Variants in COL14A1 observed in about 807,000 individuals in gnomAD.
The protein encoded by COL14A1 is collagen alpha-1(XIV) chain.
In COL14A1, 136 loss-of-function variants were observed where a neutral mutation model predicts 230.3. The ratio of observed to expected loss-of-function variants is 0.59; its 90% CI spans 0.51 to 0.68. The LOEUF (loss-of-function observed/expected upper bound fraction) is 0.68. Among genes scored for constraint, COL14A1 ranks in the 30% least tolerant of loss-of-function variants. The pLI is 0.00. For missense variants in COL14A1, 1,976 were observed against 2,215.8 expected (o/e 0.89, Z 2.17); for synonymous variants, 792 against 784.1 (o/e 1.01, Z -0.17).
At chr8:120,197,693 GCCAAAATAAAAAAT>G in intron 6 of COL14A1, 104 bp from the exon 7 acceptor site, 1 of 1,022,500 alleles carries the variant, frequency 9.8e-7, no homozygotes. Context: ...TTATAGCCAG[GCCAAAATAAAAAAT>G]TTTTGCAAAG....
Position 120,364,887 on chromosome 8 carries a change from A to T in COL14A1, c.5078-2284A>T, listed in dbSNP as rs185936940. On this transcript the variant is annotated intron_variant, in intron 45 of 47. Transcript: ENST00000297848. The stretch of plus-strand genomic sequence containing the variant: ...GACAGAGTGAGTGAGACTCTGTCTT[A>T]AAAAAAAAAAGAAAAGAAAAGAAAG... 4.9e-3 allele frequency among the ~76,000 whole-genome samples: 719 copies of T among 146,546 alleles called. 10 individuals are homozygous for T. Among genetic ancestry groups the T allele is most frequent in the African/African-American group, 0.016 (659 of 40,292 alleles).
intron 24 of COL14A1, among the ~76,000 whole-genome samples, chr8:120,265,354 T>A (rs1162619611): frequency 6.6e-6 from 1 of 152,110 alleles, no homozygotes; most frequent in East Asian, 1.9e-4. Flanking sequence ...ATTTAAAAAA[T>A]GGCTTTAGAA....
chr8:120,134,330 C>G (rs1017838413), intron 1 of COL14A1, among the ~76,000 whole-genome samples: 1 of 151,698 alleles, frequency 6.6e-6, no homozygotes, highest in Admixed American at 6.6e-5. Context: ...AATAGAAAAT[C>G]GATAGATTCG....
At chr8:120,358,740 A>G (rs1199104439) in intron 45 of COL14A1, among the ~76,000 whole-genome samples, 1 of 152,144 alleles carries the variant, frequency 6.6e-6, no homozygotes, top group Admixed American at 6.6e-5. Flanking sequence ...AGCCTTGAAC[A>G]TAAGTAAAAT....
At chr8:120,281,229 T>C (rs2129905112) in intron 31 of COL14A1, among the ~76,000 whole-genome samples, 170 bp downstream of exon 31, 1 of 151,900 alleles carries the variant, frequency 6.6e-6, no homozygotes. Context: ...TCACACATAA[T>C]GCGGGTTGAA....
rs149734882 is a variant in COL14A1, at chr8:120,220,238, G to A, written c.1737+3748G>A. On this transcript the variant is annotated intron_variant, in intron 14 of 47. Transcript: ENST00000297848. ...AACATTCTGGAATGAACTGTAAAAT[G>A]TCCCAATTAAAATCTGCTTAGTACC... Among the ~76,000 whole-genome samples the A allele has an allele frequency of 4.6e-3, 689 of 150,808 alleles. 6 individuals are homozygous for A. The highest frequency in any genetic ancestry group is 0.016 in the African/African-American group (653 of 40,998).
intron 5 of COL14A1, among the ~76,000 whole-genome samples, chr8:120,178,596 G>A (rs1024008095): frequency 1.4e-4 from 22 of 152,132 alleles, no homozygotes; most frequent in African/African-American, 4.6e-4. Context: ...ATACCCAGTA[G>A]TAGGATTGCT....
intron 38 of COL14A1, among the ~76,000 whole-genome samples, chr8:120,314,306 T>A (rs1442171617): frequency 6.6e-6 from 1 of 152,198 alleles, no homozygotes; most frequent in Non-Finnish European, 1.5e-5. Context: ...TAGCCCTTTT[T>A]CTCGTCTAAC....
chr8:120,296,740 C>T (rs189682223), intron 34 of COL14A1, among the ~76,000 whole-genome samples: 144 of 152,054 alleles, frequency 9.5e-4, no homozygotes, highest in African/African-American at 3.2e-3. Flanking sequence ...TCAACATGTA[C>T]ATTGACTTAT....
chr8:120,133,224 A>T (rs1439543221), intron 1 of COL14A1, among the ~76,000 whole-genome samples: 2 of 146,476 alleles, frequency 1.4e-5, no homozygotes, highest in East Asian at 2.0e-4. Context: ...TCAAACAAAA[A>T]AAAAATAAAA....
chr8:120,334,001 G>T (rs1821961872), intron 42 of COL14A1, among the ~76,000 whole-genome samples: 1 of 152,144 alleles, frequency 6.6e-6, no homozygotes, highest in African/African-American at 2.4e-5. Context: ...ATTGCCTTTT[G>T]CCACATAAGG....
chr8:120,139,871 A>T (rs1165205741), intron 1 of COL14A1, among the ~76,000 whole-genome samples: 4 of 151,810 alleles, frequency 2.6e-5, no homozygotes, highest in African/African-American at 4.8e-5. Flanking sequence ...AAAAAAAAAT[A>T]AAAAAAACTA....
At chr8:120,270,466 T>C (rs1819625734) in intron 26 of COL14A1, among the ~76,000 whole-genome samples, 5 of 151,762 alleles carry the variant, frequency 3.3e-5, no homozygotes, top group African/African-American at 9.7e-5. Flanking sequence ...TAATGATACA[T>C]ACAATATTTT....
In COL14A1 at chr8:120,278,456, G is replaced by T. The variant is rs1260866132; in HGVS notation, c.3359G>T (p.Arg1120Leu). The T allele has an allele frequency of 6.2e-7, 1 of 1,612,380 alleles. No individual in the cohort carries two copies. The highest frequency in any genetic ancestry group is 2.2e-5 in the East Asian group (1 of 44,786). ...TCAGGAAAAGCAATTAAGTATGTTC[G>T]AGATACCTTGTTCACTGCAGAGTCA... is the stretch of plus-strand genomic sequence containing the variant. Reference protein sequence around the residue: ...TKTGKAIKYVRDTLFTAESGT... With the variant: ...TKTGKAIKYVLDTLFTAESGT... The change falls in exon 28 of 48, where the codon CGA becomes CTA. Residue 1120 changes from arginine to leucine, a missense_variant. By Grantham distance (102) the Arg-to-Leu change is moderately radical. Coordinates refer to ENST00000297848, the MANE Select transcript of COL14A1 (RefSeq NM_021110.4).
chr8:120,142,566 C>T (rs947259147), intron 1 of COL14A1, among the ~76,000 whole-genome samples: 20 of 152,172 alleles, frequency 1.3e-4, no homozygotes, highest in African/African-American at 4.3e-4. Flanking sequence ...TTAGCATGTA[C>T]ACTGAATGTA....
chr8:120,345,606 G>C (rs1822482690), intron 45 of COL14A1, 43 bp downstream of exon 45: 1 of 1,450,146 alleles, frequency 6.9e-7, no homozygotes, highest in East Asian at 2.7e-5. Context: ...TCTGAGTTGG[G>C]TGCAGGGAAG....
At chr8:120,152,742 CAG>C (rs1435371432) in intron 2 of COL14A1, among the ~76,000 whole-genome samples, 1 of 152,114 alleles carries the variant, frequency 6.6e-6, no homozygotes, top group Admixed American at 6.6e-5. Flanking sequence ...ACAGCAATAA[CAG>C]AGTGATGGGA....
intron 5 of COL14A1, among the ~76,000 whole-genome samples, chr8:120,181,987 T>C (rs911409874): frequency 1.3e-5 from 2 of 152,096 alleles, no homozygotes; most frequent in Non-Finnish European, 2.9e-5. Flanking sequence ...GCTTATGCAC[T>C]CCTGATGACA....
intron 45 of COL14A1, among the ~76,000 whole-genome samples, chr8:120,364,661 T>C (rs755771726): frequency 5.3e-5 from 8 of 152,158 alleles, no homozygotes; most frequent in Non-Finnish European, 1.2e-4. Flanking sequence ...GGTGGGCGGA[T>C]CATTTGAGGT....
Sources: allele counts gnomAD v4.1 joint callset (sites outside exome capture counted in the v4.1 genomes callset), GRCh38; gene constraint gnomAD v4.1.1; transcripts MANE v1.5; gene names NCBI Gene and HGNC (gene_info 2026-07-23, HGNC 2026-07-21).